Variants in DLG5 observed in about 807,000 individuals in gnomAD.
The protein encoded by DLG5 is discs large MAGUK scaffold protein 5.
DLG5 carries 48 observed loss-of-function variants against 189.8 expected under a neutral mutation model. That is an observed-to-expected ratio of 0.25 (90% CI 0.20 to 0.32). The LOEUF (loss-of-function observed/expected upper bound fraction) is 0.32, where lower values mean the gene tolerates loss of function less well. DLG5 is among the 10% of genes least tolerant of loss of function. The pLI, the probability that DLG5 is intolerant of heterozygous loss-of-function variation, is 1.00. For synonymous variants in DLG5, 1,016 were observed against 1,054.1 expected (o/e 0.96, Z 0.70); for missense variants, 2,160 against 2,544.7 (o/e 0.85, Z 3.25).
At chr10:77,884,659 A>T (rs1186999985) in intron 1 of DLG5, among the ~76,000 whole-genome samples, 2 of 152,194 alleles carry the variant, frequency 1.3e-5, no homozygotes, top group Non-Finnish European at 1.5e-5. Flanking sequence ...GCTCAGGGAA[A>T]AATAAAAGGA....
chr10:77,934,880 C>CA, the DLG5 span, among the ~76,000 whole-genome samples: 1 of 133,748 alleles, frequency 7.5e-6, no homozygotes, highest in African/African-American at 3.1e-5. Flanking sequence ...TTTTTTGAGA[C>CA]AGAGTCTTGC....
intron 1 of DLG5, among the ~76,000 whole-genome samples, chr10:77,904,986 G>A (rs1000169637): frequency 2.0e-4 from 31 of 151,872 alleles, no homozygotes; most frequent in Middle Eastern, 3.4e-3. Flanking sequence ...AAAATTAGCC[G>A]GGTGTGGTGG....
the DLG5 span, among the ~76,000 whole-genome samples, chr10:77,933,936 T>C: frequency 6.9e-6 from 1 of 145,326 alleles, no homozygotes; most frequent in African/African-American, 2.6e-5. Flanking sequence ...TAATCCCAGC[T>C]ACTTGGGAGG....
chr10:77,883,504 T>A (rs76446502), intron 1 of DLG5, among the ~76,000 whole-genome samples: 17,736 of 147,970 alleles, frequency 0.12, 3,432 homozygotes, highest in African/African-American at 0.41. Context: ...CACTCCAGAG[T>A]CACACCATTG....
At chr10:77,911,102 T>C (rs1354508548) in intron 1 of DLG5, among the ~76,000 whole-genome samples, 2 of 151,790 alleles carry the variant, frequency 1.3e-5, no homozygotes, top group South Asian at 2.1e-4. Context: ...GGCCACTATA[T>C]ATTTTTTTTA....
intron 1 of DLG5, among the ~76,000 whole-genome samples, chr10:77,881,823 C>G (rs1845289574): frequency 6.6e-6 from 1 of 152,186 alleles, no homozygotes; most frequent in Non-Finnish European, 1.5e-5. Flanking sequence ...AATGATGGCT[C>G]TGGGAACTGC....
At chr10:77,878,538 C>T (rs1191419642) in intron 1 of DLG5, among the ~76,000 whole-genome samples, 1 of 152,106 alleles carries the variant, frequency 6.6e-6, no homozygotes, top group Non-Finnish European at 1.5e-5. Context: ...CCCTTGACTT[C>T]TGGAGTGTTT....
At chr10:77,922,002 T>C (rs1473250922) in intron 1 of DLG5, among the ~76,000 whole-genome samples, 1 of 152,148 alleles carries the variant, frequency 6.6e-6, no homozygotes, top group African/African-American at 2.4e-5. Context: ...CTGGGGAAAG[T>C]GTGTAGCATA....
rs1842843026 is a variant in DLG5, at chr10:77,830,397, T to C, written c.1882-53A>G. The stretch of plus-strand genomic sequence containing the variant: ...ATTTCACAAAGCAGTGACAGAGACA[T>C]TTGGCTCTTAAGCCCCGAAGCTGCC... On this transcript the variant is annotated intron_variant, in intron 10 of 31. Coordinates refer to ENST00000372391, the MANE Select transcript of DLG5 (RefSeq NM_004747.4). 9.9e-6 allele frequency: 16 copies of C among 1,611,942 alleles called. No homozygotes were observed. The South Asian group carries it at 1.7e-4, about 17-fold the overall frequency.
At chr10:77,879,620 G>A (rs1401923548) in intron 1 of DLG5, among the ~76,000 whole-genome samples, 2 of 151,568 alleles carry the variant, frequency 1.3e-5, no homozygotes, top group South Asian at 4.2e-4. Flanking sequence ...TGGATTTGAG[G>A]GATATTTTGG....
chr10:77,839,759 T>C (rs1843329509), intron 7 of DLG5, among the ~76,000 whole-genome samples: 1 of 152,282 alleles, frequency 6.6e-6, no homozygotes, highest in African/African-American at 2.4e-5. Flanking sequence ...TAATGCATTA[T>C]CTTTACTTAT....
At chr10:77,835,641 A>G in intron 8 of DLG5, 97 bp downstream of exon 8, 1 of 1,297,984 alleles carries the variant, frequency 7.7e-7, no homozygotes, top group Non-Finnish European at 1.0e-6. Context: ...CTTTACCTGG[A>G]CATACAGTAA....
chr10:77,866,271 T>C lies in DLG5; in HGVS notation c.373+2858A>G, dbSNP rs1454541836. On this transcript the variant is annotated intron_variant, in intron 2 of 31. Coordinates refer to ENST00000372391, the MANE Select transcript of DLG5 (RefSeq NM_004747.4). ...TCTGGTTCCCTTCTCAGGGATGAGG[T>C]TGGGCCAGCCCATCTCAAACTGGAG... is the stretch of plus-strand genomic sequence containing the variant. 3.3e-5 allele frequency among the ~76,000 whole-genome samples: 5 copies of C among 152,280 alleles called. No homozygotes were observed. The East Asian group carries it at 5.8e-4, about 18-fold the overall frequency.
intron 13 of DLG5, among the ~76,000 whole-genome samples, chr10:77,826,911 G>A (rs1381520992): frequency 1.3e-5 from 2 of 151,910 alleles, no homozygotes; most frequent in African/African-American, 2.4e-5. Flanking sequence ...TCACACCATT[G>A]TACTCCAGCC....
intron 1 of DLG5, among the ~76,000 whole-genome samples, chr10:77,882,053 C>T (rs1322934551): frequency 1.3e-5 from 2 of 152,240 alleles, no homozygotes; most frequent in African/African-American, 4.8e-5. Context: ...GAATCACTGA[C>T]CACCAAGGCA....
chr10:77,820,885 C>A (rs1279027129), intron 15 of DLG5, 197 bp downstream of exon 15: 1 of 623,690 alleles, frequency 1.6e-6, no homozygotes, highest in Admixed American at 3.0e-5. Context: ...TTGTGTCACA[C>A]TCCCACTACC....
intron 21 of DLG5, 40 bp from the exon 22 acceptor site, chr10:77,812,097 G>A (rs918851751): frequency 6.2e-7 from 1 of 1,603,704 alleles, no homozygotes; most frequent in Non-Finnish European, 8.5e-7. Context: ...GGGGGTCGGG[G>A]CTGTGGACAG....
At chr10:77,915,326 CAAAAAAA>C (rs397847299) in intron 1 of DLG5, among the ~76,000 whole-genome samples, 5 of 96,968 alleles carry the variant, frequency 5.2e-5, no homozygotes, top group African/African-American at 1.8e-4. Flanking sequence ...GATGCCGTTT[CAAAAAAA>C]AAAAAAAATA....
intron 1 of DLG5, among the ~76,000 whole-genome samples, chr10:77,907,180 G>A (rs932315265): frequency 3.3e-5 from 5 of 152,194 alleles, no homozygotes; most frequent in Non-Finnish European, 7.3e-5. Flanking sequence ...TGAGTTGGGG[G>A]TAGAGTAGGG....
Sources: gnomAD v4.1 joint callset for allele counts (sites outside exome capture counted in the v4.1 genomes callset) on GRCh38, gnomAD v4.1.1 for gene constraint, MANE v1.5 for transcripts, NCBI Gene and HGNC (gene_info 2026-07-23, HGNC 2026-07-21) for gene names.